The following WAC variants were observed in gnomAD, a reference collection of about 807,000 sequenced individuals.
The protein encoded by WAC is WW domain-containing adapter protein with coiled-coil.
A neutral mutation model predicts 79.6 loss-of-function variants in WAC; 11 were observed. That is an observed-to-expected ratio of 0.14 (90% CI 0.09 to 0.23). WAC has a LOEUF of 0.23. Among genes scored for constraint, WAC ranks in the 10% least tolerant of loss-of-function variants. The pLI, the probability that WAC is intolerant of heterozygous loss-of-function variation, is 1.00. For missense variants in WAC, 728 were observed against 773.5 expected, an observed-to-expected ratio of 0.94 and a Z score of 0.70; for synonymous variants, 304 against 276.9, an observed-to-expected ratio of 1.10 and a Z score of -0.97.
intron 3 of WAC, among the ~76,000 whole-genome samples, chr10:28,575,250 TCTC>T (rs750222259): frequency 6.6e-6 from 1 of 152,190 alleles, no homozygotes; most frequent in African/African-American, 2.4e-5. Context: ...TCAACCCTTA[TCTC>T]CTCCTTTCCT....
chr10:28,602,974 C>G (rs1840711583), intron 7 of WAC, among the ~76,000 whole-genome samples: 1 of 152,088 alleles, frequency 6.6e-6, no homozygotes, highest in Non-Finnish European at 1.5e-5. Context: ...GTCAGATATA[C>G]AAGTCACAGA....
At chr10:28,589,333 TA>T (rs1839978084) in intron 4 of WAC, 1 of 155,152 alleles carries the variant, frequency 6.4e-6, no homozygotes, top group Non-Finnish European at 1.4e-5. Flanking sequence ...ATACCATATA[TA>T]ATTAGTATTG....
chr10:28,616,460 A>G lies in WAC; in HGVS notation c.1746+98A>G, dbSNP rs571883964. 1.5e-4 allele frequency: 143 copies of G among 977,504 alleles called. 2 individuals carry two copies. In the South Asian group the frequency reaches 3.6e-3, roughly 24 times the overall value. 60.6% of individuals were successfully genotyped at this position (977,504 alleles called of 1,614,324 possible). On this transcript the variant is annotated intron_variant, in intron 12 of 13. Coordinates refer to ENST00000354911, the MANE Select transcript of WAC (RefSeq NM_016628.5). ...CTAATGTGACCACTGAATTCAAGCA[A>G]TATTTAAAATAATGAATCTCTAACT...
At chr10:28,601,484 C>T (rs1162774375) in intron 7 of WAC, among the ~76,000 whole-genome samples, 1 of 152,102 alleles carries the variant, frequency 6.6e-6, no homozygotes, top group African/African-American at 2.4e-5. Flanking sequence ...GATGCAGCTA[C>T]TCTGGAATAC....
chr10:28,619,477 C>T (rs1343927902), intron 13 of WAC, 60 bp from the exon 14 acceptor site: 135 of 1,260,724 alleles, frequency 1.1e-4, no homozygotes, highest in Non-Finnish European at 1.3e-4. Flanking sequence ...TATAAAAGCT[C>T]GGGTTTTCTG....
At chr10:28,610,883 G>T in intron 9 of WAC, 62 bp downstream of exon 9, 2 of 1,449,492 alleles carry the variant, frequency 1.4e-6, no homozygotes, top group East Asian at 2.5e-5. Flanking sequence ...GGAATTAATA[G>T]CCCTTTTTTG....
At chr10:28,594,237 A>G (rs1478579635) in intron 6 of WAC, among the ~76,000 whole-genome samples, 1 of 152,212 alleles carries the variant, frequency 6.6e-6, no homozygotes, top group African/African-American at 2.4e-5. Flanking sequence ...TACGCTTGAT[A>G]CATTTTGACT....
intron 7 of WAC, among the ~76,000 whole-genome samples, chr10:28,597,114 G>T (rs1840414012): frequency 6.6e-6 from 1 of 151,906 alleles, no homozygotes; most frequent in African/African-American, 2.4e-5. Flanking sequence ...AATTTTCCTT[G>T]TTATTCAACC....
At chr10:28,563,684 A>G (rs916304329) in intron 3 of WAC, among the ~76,000 whole-genome samples, 4 of 144,586 alleles carry the variant, frequency 2.8e-5, no homozygotes, top group African/African-American at 5.1e-5. Flanking sequence ...GGTTCAAGCA[A>G]TTCTCCTGCC....
intron 9 of WAC, 200 bp from the exon 10 acceptor site, chr10:28,611,574 C>CT: frequency 1.6e-6 from 2 of 1,272,378 alleles, no homozygotes; most frequent in South Asian, 3.1e-5. Context: ...GTGCTTACCT[C>CT]TGAACACACA....
At chr10:28,573,912 C>T (rs769666135) in intron 3 of WAC, among the ~76,000 whole-genome samples, 2 of 151,380 alleles carry the variant, frequency 1.3e-5, no homozygotes, top group Non-Finnish European at 2.9e-5. Flanking sequence ...TTTTCTGTCT[C>T]GACAGGTTTG....
rs904778384 is a variant in WAC at position 28,621,718 on chromosome 10, A to T, written c.*2112A>T. On this transcript the variant is annotated 3_prime_UTR_variant, in exon 14 of 14. Transcript: ENST00000354911. ...TGTTGTAATAGGCAAATGTTTCCTG[A>T]TCAGATGGCAATTTGTGATTTAGGT... The T allele has an allele frequency of 6.6e-6, 1 of 152,194 alleles. No individual in the cohort carries two copies. Among genetic ancestry groups the T allele is most frequent in the Non-Finnish European group, 1.5e-5 (1 of 68,038 alleles). The allele number at this position is 152,194 out of a possible 1,614,324, so 9.4% of individuals were successfully genotyped here.
At chr10:28,595,412 A>G (rs1393969039) in intron 6 of WAC, among the ~76,000 whole-genome samples, 5 of 145,816 alleles carry the variant, frequency 3.4e-5, no homozygotes. Context: ...TTATAACTCC[A>G]TATGTTGATT....
At chr10:28,605,318 C>T (rs332167) in intron 7 of WAC, among the ~76,000 whole-genome samples, 28,458 of 152,216 alleles carry the variant, frequency 0.19, 3,126 homozygotes, top group Non-Finnish European at 0.25. Context: ...AGAACTTCTA[C>T]AAGTTGTTAG....
chr10:28,535,845 A>G, intron 3 of WAC, 88 bp downstream of exon 3: 3 of 1,153,286 alleles, frequency 2.6e-6, no homozygotes, highest in Non-Finnish European at 3.7e-6. Flanking sequence ...AGCTTGAAGA[A>G]GTTACTGTTC....
intron 13 of WAC, among the ~76,000 whole-genome samples, chr10:28,618,522 A>AGC (rs1841571763): frequency 6.6e-6 from 1 of 152,242 alleles, no homozygotes; most frequent in Admixed American, 6.5e-5. Context: ...GATTGCTCTG[A>AGC]AAGTAGTTCT....
At chr10:28,543,562 G>T (rs571103829) in intron 3 of WAC, among the ~76,000 whole-genome samples, 4 of 152,340 alleles carry the variant, frequency 2.6e-5, no homozygotes, top group Admixed American at 2.0e-4. Context: ...CTGTTGGCCT[G>T]TCTGGCTTTT....
intron 3 of WAC, among the ~76,000 whole-genome samples, chr10:28,560,396 C>T (rs1838235577): frequency 6.6e-6 from 1 of 151,968 alleles, no homozygotes; most frequent in Non-Finnish European, 1.5e-5. Context: ...CGATTTTAAG[C>T]CGAAGCAGGC....
chr10:28,538,352 C>A (rs757440579), intron 3 of WAC: 1 of 304,838 alleles, frequency 3.3e-6, no homozygotes, highest in South Asian at 2.4e-5. Flanking sequence ...GAGGCCGAGG[C>A]AGGCAGATCA....
Sources: gnomAD v4.1 joint callset for allele counts (sites outside exome capture counted in the v4.1 genomes callset) on GRCh38, gnomAD v4.1.1 for gene constraint, MANE v1.5 for transcripts, NCBI Gene and HGNC (gene_info 2026-07-23, HGNC 2026-07-21) for gene names.